Variants in TASOR2 observed in about 807,000 individuals in gnomAD.
TASOR2 encodes transcription activation suppressor family member 2, also known as protein TASOR 2.
TASOR2 carries 84 observed loss-of-function variants against 199.5 expected under a neutral mutation model. That is an observed-to-expected ratio of 0.42 (90% CI 0.35 to 0.50). The LOEUF (loss-of-function observed/expected upper bound fraction) is 0.50, where lower values mean the gene tolerates loss of function less well. TASOR2 is among the 20% of genes least tolerant of loss of function. The probability of loss-of-function intolerance (pLI) is 0.02; values close to 1 mark genes in which losing one functional copy is unlikely to be tolerated. For synonymous variants in TASOR2, 1,103 were observed against 1,046.6 expected, an observed-to-expected ratio of 1.05 and a Z score of -1.04; for missense variants, 2,796 against 2,835.9, an observed-to-expected ratio of 0.99 and a Z score of 0.32.
At chr10:5,721,782 C>G (rs946878848) in intron 6 of TASOR2, among the ~76,000 whole-genome samples, 3 of 152,212 alleles carry the variant, frequency 2.0e-5, no homozygotes, top group African/African-American at 7.2e-5. Context: ...CATTTCCCCA[C>G]TACTTGCTTA....
Position 5,730,537 on chromosome 10 carries a change from A to G in TASOR2, c.538A>G (p.Ile180Val), listed in dbSNP as rs367816198. 1.9e-6 allele frequency: 3 copies of G among 1,613,008 alleles called. No homozygotes were observed. Among genetic ancestry groups the G allele is most frequent in the East Asian group, 4.5e-5 (2 of 44,880 alleles). Residue 180 changes from isoleucine to valine, a missense_variant, in exon 11 of 21, where the codon ATT (isoleucine) becomes GTT (valine). Ile to Val is a conservative substitution (Grantham distance 29). Around this residue, in one of 3 missense-constraint regions of TASOR2, gnomAD observed 847 missense variants for 887.4 expected, o/e 0.95. Coordinates refer to ENST00000328090, the Ensembl canonical transcript of TASOR2. The surrounding 1 kb of genome is among the most constrained non-coding windows in gnomAD (Gnocchi z 4.1). ...TGACATCTCAATGAAGGTGATACCT[A>G]TTTTATCTACCCTTAATTGTGCCCT...
rs1215915538 is a variant in TASOR2 at position 5,742,152 on chromosome 10, A to T, written c.2383A>T (p.Met795Leu). The stretch of plus-strand genomic sequence containing the variant: ...GGAAGAAGTGAAGCTTTTACTTCAT[A>T]TGTGGGTAGCTCTGTTTTACAGCAA... The change falls in exon 14 of 21, where the codon ATG becomes TTG. Residue 795 changes from methionine to leucine, a missense_variant. Met to Leu is a conservative substitution (Grantham distance 15, BLOSUM62 2). This residue lies in a region of TASOR2 where 1,941 missense variants were observed against 1,924.9 expected (regional missense o/e 1.01). Transcript: ENST00000328090. This position sits in a 1 kb window ranked among gnomAD's most constrained non-coding sequence, Gnocchi z 4.2. The T allele has an allele frequency of 2.5e-6, 4 of 1,614,180 alleles. No individual in the cohort carries two copies. Among genetic ancestry groups the T allele is most frequent in the Admixed American group, 1.7e-5 (1 of 60,028 alleles).
chr10:5,762,348 C>G (rs961105404), intron 19 of TASOR2, among the ~76,000 whole-genome samples, 184 bp from the exon 21 acceptor site: 1 of 151,898 alleles, frequency 6.6e-6, no homozygotes, highest in South Asian at 2.1e-4. Flanking sequence ...AACCACCACC[C>G]CCGATGGAGG....
At position 5,722,382 on chromosome 10, in the gene TASOR2, G is replaced by C. The variant is rs192042752; in HGVS notation, c.147-1295G>C. On this transcript the variant is annotated intron_variant, in intron 6 of 20. Transcript: ENST00000328090. The surrounding 1 kb of genome is among the most constrained non-coding windows in gnomAD (Gnocchi z 4.0). The stretch of plus-strand genomic sequence containing the variant: ...GAGGCAGGAGAATCACTTGAACCTG[G>C]GAGGTGGAGGTTGCATTGAGCTGAG... 1.3e-5 allele frequency among the ~76,000 whole-genome samples: 2 copies of C among 152,240 alleles called. No homozygotes were observed. Among genetic ancestry groups the C allele is most frequent in the Admixed American group, 1.3e-4 (2 of 15,300 alleles).
At chr10:5,760,005 G>C (rs1384158430) in intron 18 of TASOR2, among the ~76,000 whole-genome samples, 1 of 152,232 alleles carries the variant, frequency 6.6e-6, no homozygotes, top group Non-Finnish European at 1.5e-5. Context: ...AATCAATCTA[G>C]CACTTCTAGG....
At chr10:5,723,610 C>T in intron 6 of TASOR2, 67 bp from the exon 8 acceptor site, 1 of 1,031,776 alleles carries the variant, frequency 9.7e-7, no homozygotes, top group Non-Finnish European at 1.3e-6. Flanking sequence ...TATTAGAAAA[C>T]CAAAACTTAA....
At chr10:5,712,728 A>C (rs956713026) in intron 1 of TASOR2, 95 bp from the exon 2 acceptor site, 45 of 739,032 alleles carry the variant, frequency 6.1e-5, no homozygotes, top group Non-Finnish European at 7.4e-6. Context: ...TTTAGTCTTA[A>C]TGGCAGGAAG....
chr10:5,756,709 A>C (rs1221626949), exon 16 of TASOR2: 3 of 1,613,040 alleles, frequency 1.9e-6, no homozygotes, highest in Non-Finnish European at 2.5e-6. Flanking sequence ...CATCATCAGA[A>C]ATGAAGATAT....
intron 1 of TASOR2, among the ~76,000 whole-genome samples, chr10:5,686,657 T>C (rs560722115): frequency 7.9e-5 from 12 of 152,364 alleles, no homozygotes; most frequent in Admixed American, 2.0e-4. Flanking sequence ...TTTATCTCCA[T>C]GCTAGCCAGC....
intron 18 of TASOR2, 83 bp downstream of exon 19, chr10:5,759,075 G>A (rs183208518): frequency 2.2e-6 from 2 of 921,232 alleles, no homozygotes; most frequent in Admixed American, 2.3e-5. Flanking sequence ...CTCTAGCCTA[G>A]TGCTGCAGTG....
intron 2 of TASOR2, among the ~76,000 whole-genome samples, chr10:5,715,244 T>G (rs1442480236): frequency 6.8e-6 from 1 of 147,148 alleles, no homozygotes; most frequent in East Asian, 2.0e-4. Flanking sequence ...AAAAAAAAAC[T>G]GCTTTATTGA....
chr10:5,688,394 AATTT>A (rs1276305187), intron 1 of TASOR2, among the ~76,000 whole-genome samples: 3 of 102,108 alleles, frequency 2.9e-5, no homozygotes, highest in African/African-American at 1.1e-4. Context: ...GCTAATTTTT[AATTT>A]TTTTTTTTTT....
Position 5,762,656 on chromosome 10 carries a change from CT to C in TASOR2, c.7289+15del. 1.6e-6 allele frequency: 2 copies of C among 1,226,638 alleles called. No individual in the cohort carries two copies. The highest frequency in any genetic ancestry group is 2.3e-6 in the Non-Finnish European group (2 of 857,642). The allele number at this position is 1,226,638 out of a possible 1,614,324, so 76.0% of individuals were successfully genotyped here. On this transcript the variant is annotated intron_variant, in intron 20 of 20. Coordinates refer to ENST00000328090, the Ensembl canonical transcript of TASOR2. ...TTAGGAGTAGCTATTGGTAAGAACA[CT>C]TTTTATGTAACTTTCCCATGTGAGT...
chr10:5,752,338 G>A lies in TASOR2; in HGVS notation c.6606+2311G>A, dbSNP rs549919375. 9.0e-4 allele frequency among the ~76,000 whole-genome samples: 137 copies of A among 152,352 alleles called. No individual in the cohort carries two copies. Among genetic ancestry groups the A allele is most frequent in the Admixed American group, 1.8e-3 (28 of 15,306 alleles). ...ATTGAGGGTGATTGGCCTGGCCGGG[G>A]AGGTCTTTGCTCAGGAAGTGCTGCA... On this transcript the variant is annotated intron_variant, in intron 15 of 20. Coordinates refer to ENST00000328090, the Ensembl canonical transcript of TASOR2. The surrounding 1 kb of genome is among the most constrained non-coding windows in gnomAD (Gnocchi z 4.4).
chr10:5,729,513 C>T (rs953891281), intron 10 of TASOR2, among the ~76,000 whole-genome samples: 1 of 152,168 alleles, frequency 6.6e-6, no homozygotes, highest in Non-Finnish European at 1.5e-5. Context: ...CCAGCCTGAG[C>T]AACATGACAA....
chr10:5,752,135 C>T lies in TASOR2; in HGVS notation c.6606+2108C>T, dbSNP rs1276736697. Among the ~76,000 whole-genome samples, 3 of 152,162 alleles carry T rather than the reference C, an allele frequency of 2.0e-5. No homozygotes were observed. Among genetic ancestry groups the T allele is most frequent in the Non-Finnish European group, 4.4e-5 (3 of 68,026 alleles). On this transcript the variant is annotated intron_variant, in intron 15 of 20. Transcript: ENST00000328090. This position sits in a 1 kb window ranked among gnomAD's most constrained non-coding sequence, Gnocchi z 4.4. ...GCAGCAGAAAGCTCCATTCAGATGT[C>T]AGCAGTCCTGTTTAGTATCTACCTC...
chr10:5,731,185 C>T, exon 11 of TASOR2: 3 of 1,601,642 alleles, frequency 1.9e-6, no homozygotes, highest in Non-Finnish European at 2.5e-6. Context: ...AGGACAGTTT[C>T]CTCAGAAAAG....
At chr10:5,691,856 T>C (rs1339726848) in intron 1 of TASOR2, among the ~76,000 whole-genome samples, 1 of 152,198 alleles carries the variant, frequency 6.6e-6, no homozygotes, top group Non-Finnish European at 1.5e-5. Context: ...TTGGTATCAA[T>C]TTTCCTGAAG....
chr10:5,706,384 T>C lies in TASOR2; in HGVS notation c.-287-6439T>C, dbSNP rs1429592825. ...GCAAACTGAGATTGTGTTGAATCTG[T>C]AGATCAATTTTGTGTCTTAACATCC... On this transcript the variant is annotated intron_variant, in intron 1 of 20. Transcript: ENST00000328090. This position sits in a 1 kb window ranked among gnomAD's most constrained non-coding sequence, Gnocchi z 4.8. Among the ~76,000 whole-genome samples the C allele has an allele frequency of 6.6e-6, 1 of 152,216 alleles. No homozygotes were observed. Among genetic ancestry groups the C allele is most frequent in the Non-Finnish European group, 1.5e-5 (1 of 68,040 alleles).
Sources: gnomAD v4.1 joint callset for allele counts (sites outside exome capture counted in the v4.1 genomes callset) on GRCh38, gnomAD v4.1.1 for gene constraint, gnomAD v4.1.1 regional missense constraint, Gnocchi (gnomAD v3.1) non-coding constraint, MANE v1.5 for transcripts, NCBI Gene and HGNC (gene_info 2026-07-23, HGNC 2026-07-21) for gene names.